Variants in DYNC2H1 observed in about 807,000 individuals in gnomAD.
The protein encoded by DYNC2H1 is dynein cytoplasmic 2 heavy chain 1, also known as cytoplasmic dynein 2 heavy chain 1.
A neutral mutation model predicts 570.0 loss-of-function variants in DYNC2H1; 410 were observed. The ratio of observed to expected loss-of-function variants is 0.72; its 90% CI spans 0.66 to 0.78. The LOEUF (loss-of-function observed/expected upper bound fraction) is 0.78. Ranked by LOEUF, DYNC2H1 falls within the 30% of genes least tolerant of loss-of-function variation. DYNC2H1 has a pLI of 0.00. For missense variants in DYNC2H1, 4,865 were observed against 5,046.4 expected, an observed-to-expected ratio of 0.96 and a Z score of 1.09; for synonymous variants, 1,688 against 1,677.6, an observed-to-expected ratio of 1.01 and a Z score of -0.15.
chr11:103,247,012 T>TA (rs1864644200), intron 65 of DYNC2H1, among the ~76,000 whole-genome samples: 1 of 151,602 alleles, frequency 6.6e-6, no homozygotes, highest in Non-Finnish European at 1.5e-5. Flanking sequence ...TTTTTTTTTT[T>TA]ACTTTGTTTC....
intron 75 of DYNC2H1, among the ~76,000 whole-genome samples, chr11:103,296,423 G>A (rs1329606330): frequency 6.6e-6 from 1 of 152,184 alleles, no homozygotes; most frequent in East Asian, 1.9e-4. Context: ...GGATAAACAT[G>A]GTGAGTAATA....
At chr11:103,366,447 A>G (rs79871591) in intron 83 of DYNC2H1, among the ~76,000 whole-genome samples, 5,616 of 152,224 alleles carry the variant, frequency 0.037, 214 homozygotes, top group African/African-American at 0.088. Context: ...TAATAAGAAA[A>G]AATGTTTTTC....
At chr11:103,322,120 A>G (rs1238780310) in intron 81 of DYNC2H1, among the ~76,000 whole-genome samples, 1 of 152,146 alleles carries the variant, frequency 6.6e-6, no homozygotes, top group Non-Finnish European at 1.5e-5. Context: ...TAATTTACTC[A>G]TTCATTCAAT....
At chr11:103,377,760 AC>A (rs143964012) in intron 83 of DYNC2H1, among the ~76,000 whole-genome samples, 4,609 of 152,236 alleles carry the variant, frequency 0.03, 220 homozygotes, top group African/African-American at 0.11. Context: ...TTCTTTTGAG[AC>A]AGTCTCGCTC....
chr11:103,320,317 G>A (rs751285641), intron 80 of DYNC2H1, among the ~76,000 whole-genome samples: 1 of 152,124 alleles, frequency 6.6e-6, no homozygotes, highest in South Asian at 2.1e-4. Context: ...CAGGAGAATC[G>A]CTTGAACCTG....
At chr11:103,164,711 T>G (rs775867137) in intron 30 of DYNC2H1, among the ~76,000 whole-genome samples, 6 of 152,220 alleles carry the variant, frequency 3.9e-5, no homozygotes, top group Non-Finnish European at 7.3e-5. Flanking sequence ...GCACACTTAA[T>G]TGTCATTACA....
chr11:103,212,972 G>A (rs1304661163), intron 54 of DYNC2H1, among the ~76,000 whole-genome samples: 1 of 151,878 alleles, frequency 6.6e-6, no homozygotes, highest in Non-Finnish European at 1.5e-5. Flanking sequence ...CTTTATGATG[G>A]GTGCTCAATA....
At chr11:103,430,860 T>A (rs1381104259) in intron 84 of DYNC2H1, among the ~76,000 whole-genome samples, 1 of 152,154 alleles carries the variant, frequency 6.6e-6, no homozygotes, top group East Asian at 1.9e-4. Flanking sequence ...GAATTTGATA[T>A]ACTCTACCTT....
intron 52 of DYNC2H1, among the ~76,000 whole-genome samples, chr11:103,206,191 G>A (rs114981074): frequency 0.01 from 1,558 of 152,218 alleles, 27 homozygotes; most frequent in African/African-American, 0.036. Context: ...TTGTAATAAG[G>A]TGTAACAGAA....
chr11:103,249,262 G>A lies in DYNC2H1; in HGVS notation c.10042+3888G>A, dbSNP rs182944149. Among the ~76,000 whole-genome samples, 20 of 151,826 alleles carry A rather than the reference G, an allele frequency of 1.3e-4. No homozygotes were observed. The highest frequency in any genetic ancestry group is 3.9e-4 in the Admixed American group (6 of 15,216). The stretch of plus-strand genomic sequence containing the variant: ...GTTTTATCAAAGTAGTACATGCATG[G>A]GTTGTAAAGTCAAATGATACAGAAG... On this transcript the variant is annotated intron_variant, in intron 65 of 88. Transcript: ENST00000375735. The surrounding 1 kb of genome is among the most constrained non-coding windows in gnomAD (Gnocchi z 4.6).
chr11:103,409,517 A>G (rs919675246), intron 84 of DYNC2H1: 1 of 152,206 alleles, frequency 6.6e-6, no homozygotes, highest in Non-Finnish European at 1.5e-5. Context: ...CCTAGGGTCT[A>G]AAGATCTGTC....
intron 83 of DYNC2H1, among the ~76,000 whole-genome samples, chr11:103,383,950 G>C (rs930437941): frequency 9.2e-5 from 14 of 151,910 alleles, no homozygotes; most frequent in African/African-American, 3.4e-4. Context: ...TTACTGTCTT[G>C]ATTACCTTTT....
rs1373421962 is a variant in DYNC2H1 at position 103,199,848 on chromosome 11, A to G, written c.8089-198A>G. Among the ~76,000 whole-genome samples, 1 of 152,202 alleles carries G rather than the reference A, an allele frequency of 6.6e-6. No individual in the cohort carries two copies. Among genetic ancestry groups the G allele is most frequent in the African/African-American group, 2.4e-5 (1 of 41,470 alleles). On this transcript the variant is annotated intron_variant, in intron 49 of 88. Coordinates refer to ENST00000375735, the MANE Select transcript of DYNC2H1 (RefSeq NM_001377.3). This position sits in a 1 kb window ranked among gnomAD's most constrained non-coding sequence, Gnocchi z 4.6. ...TTAATTTTAATGGCCTAGCTGTAAA[A>G]TAATTAGTATTTACTTAGGGGTTGG...
intron 75 of DYNC2H1, among the ~76,000 whole-genome samples, chr11:103,292,971 C>T (rs1047167943): frequency 2.0e-5 from 3 of 152,156 alleles, no homozygotes; most frequent in Non-Finnish European, 1.5e-5. Flanking sequence ...ACTTACACAC[C>T]GCAATTACAG....
At position 103,203,744 on chromosome 11, in the gene DYNC2H1, T is replaced by G; in HGVS notation, c.8279T>G (p.Phe2760Cys). 1 of 1,611,708 alleles carries G rather than the reference T, an allele frequency of 6.2e-7. No individual in the cohort carries two copies. The highest frequency in any genetic ancestry group is 8.5e-7 in the Non-Finnish European group (1 of 1,178,990). ...AAGGATCAAGCTTCACAAGATGGTT[T>G]TTTTGGACCAGTCTTCAATTACTTC... is the stretch of plus-strand genomic sequence containing the variant. ...PLKDQASQDGFFGPVFNYFTY... is the reference protein window; with the variant it reads ...PLKDQASQDGCFGPVFNYFTY... Residue 2760 changes from phenylalanine to cysteine, a missense_variant, in exon 51 of 89, where the codon TTT (phenylalanine) becomes TGT (cysteine). Physicochemically the swap from Phe to Cys is radical, Grantham distance 205. Around this residue, in one of 5 missense-constraint regions of DYNC2H1, gnomAD observed 2,401 missense variants for 2,454.6 expected, o/e 0.98. Transcript: ENST00000375735. The surrounding 1 kb of genome is among the most constrained non-coding windows in gnomAD (Gnocchi z 4.7).
rs541346931 is a variant in DYNC2H1, at chr11:103,470,610, C to T, written c.12765+1905C>T. ...TCCCTAGAGTGTGATGTTCCCCTTC[C>T]TGTGTCCATGTGTTCTCATTGTTCA... On this transcript the variant is annotated intron_variant, in intron 88 of 88. Coordinates refer to ENST00000375735, the MANE Select transcript of DYNC2H1 (RefSeq NM_001377.3). Among the ~76,000 whole-genome samples, 159 of 152,294 alleles carry T rather than the reference C, an allele frequency of 1.0e-3. 1 individual carries two copies. Among genetic ancestry groups the T allele is most frequent in the African/African-American group, 3.5e-3 (144 of 41,562 alleles).
Position 103,199,493 on chromosome 11 carries a change from C to G in DYNC2H1, c.8088+17C>G. 6.5e-7 allele frequency: 1 copy of G among 1,527,668 alleles called. No homozygotes were observed. Among genetic ancestry groups the G allele is most frequent in the East Asian group, 2.3e-5 (1 of 43,762 alleles). 94.6% of individuals were successfully genotyped at this position (1,527,668 alleles called of 1,614,324 possible). A position where few individuals can be genotyped will look rare whatever the true frequency, so the allele number is the denominator to read the frequency against. On this transcript the variant is annotated intron_variant, in intron 49 of 88. Transcript: ENST00000375735. The surrounding 1 kb of genome is among the most constrained non-coding windows in gnomAD (Gnocchi z 4.6). ...CTCAAACATGTGAGTTGCCCACTCTCTTTTGCTTTATTTGGTTTTAAATTA... is the reference window on the plus strand; with the variant it reads ...CTCAAACATGTGAGTTGCCCACTCTGTTTTGCTTTATTTGGTTTTAAATTA...
intron 63 of DYNC2H1, among the ~76,000 whole-genome samples, chr11:103,240,887 A>C (rs1864400707): frequency 1.3e-5 from 2 of 152,216 alleles, no homozygotes; most frequent in Non-Finnish European, 2.9e-5. Flanking sequence ...ATGATCAGAC[A>C]GACTCCAGGT....
rs1387927696 is a variant in DYNC2H1, at chr11:103,209,477, T to C, written c.8455-399T>C. Among the ~76,000 whole-genome samples the C allele has an allele frequency of 6.6e-6, 1 of 151,934 alleles. No individual in the cohort carries two copies. The highest frequency in any genetic ancestry group is 1.5e-5 in the Non-Finnish European group (1 of 67,906). ...TATTTTTATTTAATTTTAGTTTTTT[T>C]TTGAAAAAGCTAAGAATCCTTGCTA... is the stretch of plus-strand genomic sequence containing the variant. On this transcript the variant is annotated intron_variant, in intron 52 of 88. Coordinates refer to ENST00000375735, the MANE Select transcript of DYNC2H1 (RefSeq NM_001377.3). This position sits in a 1 kb window ranked among gnomAD's most constrained non-coding sequence, Gnocchi z 4.2.
Sources: gnomAD v4.1 joint callset for allele counts (sites outside exome capture counted in the v4.1 genomes callset) on GRCh38, gnomAD v4.1.1 for gene constraint, gnomAD v4.1.1 regional missense constraint, Gnocchi (gnomAD v3.1) non-coding constraint, MANE v1.5 for transcripts, NCBI Gene and HGNC (gene_info 2026-07-23, HGNC 2026-07-21) for gene names.